TSPAN7: variants seen among roughly 807,000 people sequenced by gnomAD.
TSPAN7 encodes the protein tetraspanin-7.
Under a neutral mutation model 17.6 loss-of-function variants are expected in TSPAN7, and 1 was observed. The observed-to-expected ratio is 0.06, with a 90% CI of 0.02 to 0.27. The LOEUF is 0.27. Ranked by LOEUF, TSPAN7 falls within the 10% of genes least tolerant of loss-of-function variation. The pLI is 1.00. For synonymous variants in TSPAN7, 78 were observed against 79.0 expected (o/e 0.99, Z 0.07); for missense variants, 112 against 201.7 (o/e 0.56, Z 2.69).
At chrX:38,662,208 C>G (rs1304867014) in intron 1 of TSPAN7, among the ~76,000 whole-genome samples, 1 of 111,574 alleles carries the variant, frequency 9.0e-6, no homozygotes, top group Admixed American at 9.5e-5. Flanking sequence ...ATGCCGCAGC[C>G]TAACCATTTT....
At chrX:38,669,425 G>A (rs1248587822) in intron 2 of TSPAN7, among the ~76,000 whole-genome samples, 1 of 111,528 alleles carries the variant, frequency 9.0e-6, no homozygotes, top group Non-Finnish European at 1.9e-5. Flanking sequence ...TGGAAGGCTG[G>A]GATTTGAACC....
rs761029598 is a variant in TSPAN7 at position 38,584,424 on chromosome X, C to T, written c.81+22797C>T. 8.9e-5 allele frequency among the ~76,000 whole-genome samples: 10 copies of T among 111,762 alleles called. 1 individual carries two copies. The South Asian group carries it at 3.8e-3, about 42-fold the overall frequency. On this transcript the variant is annotated intron_variant, in intron 1 of 7. Coordinates refer to ENST00000378482, the MANE Select transcript of TSPAN7 (RefSeq NM_004615.4). ...AATGAAATTAGGGTGGGCCATTCTG[C>T]CATTTCCTGAAACTCACATGATCCT...
At chrX:38,591,414 C>T (rs2069290971) in intron 1 of TSPAN7, among the ~76,000 whole-genome samples, 1 of 111,506 alleles carries the variant, frequency 9.0e-6, no homozygotes, top group Non-Finnish European at 1.9e-5. Context: ...GAATCCTTTA[C>T]AGATTTATTG....
At chrX:38,593,190 T>C (rs1259267116) in intron 1 of TSPAN7, among the ~76,000 whole-genome samples, 2 of 111,465 alleles carry the variant, frequency 1.8e-5, no homozygotes, top group Admixed American at 9.6e-5. Flanking sequence ...TTTTTTTTCT[T>C]AATGATTTTT....
intron 1 of TSPAN7, among the ~76,000 whole-genome samples, chrX:38,629,173 T>C (rs768489930): frequency 8.9e-6 from 1 of 112,540 alleles, no homozygotes; most frequent in South Asian, 3.7e-4. Context: ...GATTTCACAC[T>C]TAGAGCACAT....
chrX:38,651,270 C>T (rs187261236), intron 1 of TSPAN7, among the ~76,000 whole-genome samples: 136 of 110,244 alleles, frequency 1.2e-3, no homozygotes, highest in African/African-American at 4.2e-3. Context: ...TCGAGACCGG[C>T]CTGGCCAACA....
intron 1 of TSPAN7, among the ~76,000 whole-genome samples, chrX:38,636,064 T>C (rs2069578399): frequency 1.0e-5 from 1 of 96,717 alleles, no homozygotes; most frequent in African/African-American, 4.0e-5. Flanking sequence ...ATTAGGGTTT[T>C]TTTTCATTTT....
intron 1 of TSPAN7, among the ~76,000 whole-genome samples, chrX:38,584,941 T>C (rs1296430659): frequency 3.6e-5 from 4 of 112,502 alleles, no homozygotes; most frequent in Non-Finnish European, 7.5e-5. Context: ...GGTGTATTTT[T>C]GAACATTATA....
chrX:38,611,514 C>A (rs1306829202), intron 1 of TSPAN7, among the ~76,000 whole-genome samples: 4 of 111,760 alleles, frequency 3.6e-5, no homozygotes, highest in African/African-American at 1.3e-4. Context: ...TAGGGCATTT[C>A]TCATGGCTGT....
chrX:38,618,810 G>A (rs1166281883), intron 1 of TSPAN7, among the ~76,000 whole-genome samples: 1 of 111,471 alleles, frequency 9.0e-6, no homozygotes, highest in African/African-American at 3.3e-5. Context: ...TGGCTGTATG[G>A]GGTTGGGAGT....
intron 1 of TSPAN7, among the ~76,000 whole-genome samples, chrX:38,626,919 C>T (rs961006100): frequency 5.4e-5 from 6 of 111,240 alleles, no homozygotes; most frequent in Non-Finnish European, 1.1e-4. Flanking sequence ...CTGGCTTTGG[C>T]TGGGGTAATT....
intron 1 of TSPAN7, chrX:38,566,246 T>C: frequency 5.9e-6 from 4 of 676,429 alleles, no homozygotes; most frequent in Non-Finnish European, 7.7e-6. Flanking sequence ...TGATTTGTCT[T>C]TTGGTTAAAT....
At chrX:38,626,893 T>G (rs2069525830) in intron 1 of TSPAN7, among the ~76,000 whole-genome samples, 1 of 111,559 alleles carries the variant, frequency 9.0e-6, no homozygotes, top group Admixed American at 9.6e-5. Flanking sequence ...GTTACCTAGC[T>G]GTCAGCTAAT....
At chrX:38,639,231 G>C (rs766345425) in intron 1 of TSPAN7, among the ~76,000 whole-genome samples, 7 of 109,954 alleles carry the variant, frequency 6.4e-5, no homozygotes, top group Admixed American at 2.0e-4. Context: ...TATTTCATCT[G>C]ATCCTTGTAA....
At chrX:38,602,576 A>T (rs1233372698) in intron 1 of TSPAN7, among the ~76,000 whole-genome samples, 1 of 112,477 alleles carries the variant, frequency 8.9e-6, no homozygotes, top group Non-Finnish European at 1.9e-5. Flanking sequence ...AACATCCAAG[A>T]AAACATTCAA....
At chrX:38,646,403 C>T (rs1048443627) in intron 1 of TSPAN7, 7 of 840,399 alleles carry the variant, frequency 8.3e-6, no homozygotes, top group Non-Finnish European at 1.1e-5. Flanking sequence ...TTTTACTCTC[C>T]CTGAAGTGGC....
chrX:38,576,429 C>T (rs2069194654), intron 1 of TSPAN7, among the ~76,000 whole-genome samples: 1 of 112,165 alleles, frequency 8.9e-6, no homozygotes, highest in Non-Finnish European at 1.9e-5. Context: ...AGTATGAACA[C>T]TGTAAAATAT....
chrX:38,614,816 G>C (rs966684776), intron 1 of TSPAN7, among the ~76,000 whole-genome samples: 5 of 111,696 alleles, frequency 4.5e-5, no homozygotes, highest in Non-Finnish European at 9.4e-5. Context: ...AGTAATGAAG[G>C]ACTTATTTTC....
chrX:38,594,175 TTTTG>T (rs1253859596), intron 1 of TSPAN7, among the ~76,000 whole-genome samples: 4 of 112,142 alleles, frequency 3.6e-5, no homozygotes, highest in Admixed American at 9.4e-5. Flanking sequence ...GGTACTGTTT[TTTTG>T]TTTGTTTGTT....
Sources: gnomAD v4.1 joint callset for allele counts (sites outside exome capture counted in the v4.1 genomes callset) on GRCh38, gnomAD v4.1.1 for gene constraint, MANE v1.5 for transcripts, NCBI Gene and HGNC (gene_info 2026-07-23, HGNC 2026-07-21) for gene names.